Variants in CHD5 observed in about 807,000 individuals in gnomAD.
The protein encoded by CHD5 is ATP-dependent chromatin remodeler CHD5.
Under a neutral mutation model 230.3 loss-of-function variants are expected in CHD5, and 69 were observed. The observed-to-expected ratio is 0.30, with a 90% CI of 0.25 to 0.37. The LOEUF is 0.37. CHD5 is among the 10% of genes least tolerant of loss of function. CHD5 has a pLI of 1.00. For synonymous variants in CHD5, 1,064 were observed against 1,065.9 expected, an observed-to-expected ratio of 1.00 and a Z score of 0.03; for missense variants, 1,827 against 2,622.8, an observed-to-expected ratio of 0.70 and a Z score of 6.63.
intron 1 of CHD5, among the ~76,000 whole-genome samples, chr1:6,177,015 C>T (rs1179373184): frequency 6.6e-6 from 1 of 152,204 alleles, no homozygotes; most frequent in African/African-American, 2.4e-5. Context: ...AAACCTCCCC[C>T]TCCCCACCAT....
At chr1:6,124,999 C>G in intron 29 of CHD5, 101 bp downstream of exon 29, 1 of 1,265,170 alleles carries the variant, frequency 7.9e-7, no homozygotes, top group Non-Finnish European at 1.1e-6. Flanking sequence ...CGGCCTCATC[C>G]TGGCGGAAGC....
Position 6,134,536 on chromosome 1 carries a change from C to T in CHD5, c.3012+182G>A, listed in dbSNP as rs999524589. 1.3e-5 allele frequency among the ~76,000 whole-genome samples: 2 copies of T among 152,188 alleles called. No homozygotes were observed. The highest frequency in any genetic ancestry group is 4.8e-5 in the African/African-American group (2 of 41,448). ...GGGTTCCACGGTAAGTTCCCCAGCA[C>T]CTACCAGAGTGGCCACAGGCAACCT... On this transcript the variant is annotated intron_variant, in intron 19 of 41. Coordinates refer to ENST00000262450, the MANE Select transcript of CHD5 (RefSeq NM_015557.3). This position sits in a 1 kb window ranked among gnomAD's most constrained non-coding sequence, Gnocchi z 6.3.
intron 2 of CHD5, 84 bp downstream of exon 2, chr1:6,168,066 G>A (rs1667281809): frequency 6.8e-7 from 1 of 1,475,064 alleles, no homozygotes; most frequent in South Asian, 1.4e-5. Context: ...AAGGTCCAGG[G>A]ACCCCAGCCC....
intron 1 of CHD5, among the ~76,000 whole-genome samples, chr1:6,168,550 A>G (rs1309455270): frequency 6.6e-6 from 1 of 152,268 alleles, no homozygotes; most frequent in Non-Finnish European, 1.5e-5. Flanking sequence ...GACAGTGTTC[A>G]GAAAACTGAA....
rs1667134095 is a variant in CHD5, at chr1:6,159,498, T to C, written c.225A>G (p.Leu75=). 6 of 1,599,218 alleles carry C rather than the reference T, an allele frequency of 3.8e-6. No individual in the cohort carries two copies. Among genetic ancestry groups the C allele is most frequent in the Non-Finnish European group, 5.1e-6 (6 of 1,170,916 alleles). Residue 75 remains leucine (L), a synonymous_variant, in exon 3 of 42, where the codon CTA becomes CTG. Coordinates refer to ENST00000262450, the MANE Select transcript of CHD5 (RefSeq NM_015557.3). ...RKKKEGSNDE[L]SENEEDLEEK... The stretch of plus-strand genomic sequence containing the variant: ...CTTCCAGATCCTCTTCATTCTCTGA[T>C]AGCTCATCATTGCTCCCCTGGAAAA...
chr1:6,157,422 T>C (rs1013350608), intron 3 of CHD5, among the ~76,000 whole-genome samples: 1 of 152,212 alleles, frequency 6.6e-6, no homozygotes, highest in Non-Finnish European at 1.5e-5. Context: ...GAGTGAATGA[T>C]GCAAAGAGAC....
intron 33 of CHD5, among the ~76,000 whole-genome samples, chr1:6,113,585 T>G (rs1432998831): frequency 6.6e-6 from 1 of 152,202 alleles, no homozygotes; most frequent in African/African-American, 2.4e-5. Context: ...AGCTTGGAAC[T>G]TGGAGCTGTG....
chr1:6,135,060 C>T (rs1394189136), intron 18 of CHD5, among the ~76,000 whole-genome samples, 170 bp downstream of exon 18: 1 of 152,188 alleles, frequency 6.6e-6, no homozygotes. Context: ...GCGACCCAAA[C>T]TCTGGTCACT....
rs1191288212 is a variant in CHD5 at position 6,103,920 on chromosome 1, AGT to A, written c.*1552_*1553del. ...ATCCTGACCCAGCCCTGGCCCCCTC[AGT>A]CCCAGGCAGGCCCTCTCCAAGGAGC... On this transcript the variant is annotated 3_prime_UTR_variant, in exon 42 of 42. Coordinates refer to ENST00000262450, the MANE Select transcript of CHD5 (RefSeq NM_015557.3). 3.3e-5 allele frequency: 5 copies of A among 152,166 alleles called. No homozygotes were observed. The highest frequency in any genetic ancestry group is 1.2e-4 in the African/African-American group (5 of 41,368). The allele number at this position is 152,166 out of a possible 1,614,324, so 9.4% of individuals were successfully genotyped here.
At chr1:6,120,067 G>A (rs963128810) in intron 33 of CHD5, among the ~76,000 whole-genome samples, 2 of 151,872 alleles carry the variant, frequency 1.3e-5, no homozygotes, top group Admixed American at 1.3e-4. Flanking sequence ...CGCCATGTTG[G>A]CCAGGCTGGC....
rs372957159 is a variant in CHD5, at chr1:6,101,991, G to A, written c.*3483C>T. 3.2e-4 allele frequency: 132 copies of A among 411,776 alleles called. No homozygotes were observed. The East Asian group carries it at 0.013, about 39-fold the overall frequency. 25.5% of individuals were successfully genotyped at this position (411,776 alleles called of 1,614,324 possible). A position where few individuals can be genotyped will look rare whatever the true frequency, so the allele number is the denominator to read the frequency against. On this transcript the variant is annotated 3_prime_UTR_variant, in exon 42 of 42. Transcript: ENST00000262450. ...CCACCCTGGCTGGGACTCCTGGCGC[G>A]CCTTGCACCCAGCCCAGGGCCCTCC...
At chr1:6,113,104 C>T (rs1571139689) in intron 33 of CHD5, 106 bp from the exon 34 acceptor site, 14 of 785,730 alleles carry the variant, frequency 1.8e-5, no homozygotes, top group East Asian at 4.9e-5. Flanking sequence ...CAATATGTTC[C>T]GCAGAGTCCA....
At chr1:6,160,633 A>G (rs1472936347) in intron 2 of CHD5, among the ~76,000 whole-genome samples, 2 of 152,280 alleles carry the variant, frequency 1.3e-5, no homozygotes, top group Non-Finnish European at 2.9e-5. Flanking sequence ...GGCACATCAC[A>G]GTTTTCTCCA....
Position 6,154,597 on chromosome 1 carries a change from C to T in CHD5, c.745+63G>A. 1 of 1,473,354 alleles carries T rather than the reference C, an allele frequency of 6.8e-7. No individual in the cohort carries two copies. Among genetic ancestry groups the T allele is most frequent in the Admixed American group, 2.3e-5 (1 of 44,200 alleles). 91.3% of individuals were successfully genotyped at this position (1,473,354 alleles called of 1,614,324 possible). A position where few individuals can be genotyped will look rare whatever the true frequency, so the allele number is the denominator to read the frequency against. ...GCCCGCGTCTGCCCCGTGGCTTCTC[C>T]TATAGGGTCTGAAAGGGACCTCTTC... On this transcript the variant is annotated intron_variant, in intron 5 of 41. Coordinates refer to ENST00000262450, the MANE Select transcript of CHD5 (RefSeq NM_015557.3). This position sits in a 1 kb window ranked among gnomAD's most constrained non-coding sequence, Gnocchi z 7.0.
chr1:6,159,153 T>C lies in CHD5; in HGVS notation c.387+183A>G, dbSNP rs192588074. ...GGGAGGCTGAGGCAGGAGAATTGCT[T>C]GAACCTGGGAGGCGGTTGCAGTGAG... is the stretch of plus-strand genomic sequence containing the variant. On this transcript the variant is annotated intron_variant, in intron 3 of 41. Transcript: ENST00000262450. Among the ~76,000 whole-genome samples, 464 of 151,876 alleles carry C rather than the reference T, an allele frequency of 3.1e-3. 2 individuals are homozygous for C. The highest frequency in any genetic ancestry group is 5.3e-3 in the Non-Finnish European group (363 of 67,948).
intron 3 of CHD5, among the ~76,000 whole-genome samples, chr1:6,156,182 G>A (rs1032676958): frequency 5.3e-5 from 8 of 152,204 alleles, no homozygotes; most frequent in Admixed American, 2.0e-4. Context: ...GCCTGAAGAC[G>A]GGAAGATGTC....
At chr1:6,179,891 C>T in intron 1 of CHD5, 54 bp downstream of exon 1, 4 of 1,058,432 alleles carry the variant, frequency 3.8e-6, no homozygotes, top group Non-Finnish European at 4.8e-6. Flanking sequence ...CTGGGCCCGG[C>T]CCGTCTCGGC....
intron 1 of CHD5, among the ~76,000 whole-genome samples, chr1:6,168,836 C>T (rs774268299): frequency 3.9e-5 from 6 of 151,912 alleles, no homozygotes; most frequent in South Asian, 4.2e-4. Context: ...CTGGCCAACA[C>T]GATGAAACCC....
chr1:6,142,865 T>C lies in CHD5; in HGVS notation c.2044-260A>G, dbSNP rs1467008368. Among the ~76,000 whole-genome samples, 1 of 152,212 alleles carries C rather than the reference T, an allele frequency of 6.6e-6. No individual in the cohort carries two copies. Among genetic ancestry groups the C allele is most frequent in the African/African-American group, 2.4e-5 (1 of 41,456 alleles). ...TCCTATCAGGGAAATTTCCCGACTG[T>C]TGAATTCTCTGACTCTGAGCCCAGG... On this transcript the variant is annotated intron_variant, in intron 13 of 41. Transcript: ENST00000262450. This position sits in a 1 kb window ranked among gnomAD's most constrained non-coding sequence, Gnocchi z 5.2.
Sources: gnomAD v4.1 joint callset for allele counts (sites outside exome capture counted in the v4.1 genomes callset) on GRCh38, gnomAD v4.1.1 for gene constraint, Gnocchi (gnomAD v3.1) non-coding constraint, MANE v1.5 for transcripts, NCBI Gene and HGNC (gene_info 2026-07-23, HGNC 2026-07-21) for gene names.